Variants in RPSA2 observed in about 807,000 individuals in gnomAD.
RPSA2 encodes ribosomal protein SA 2, also known as small ribosomal subunit protein uS2B.
the RPSA2 span, among the ~76,000 whole-genome samples, chr19:23,764,463 G>T: frequency 6.6e-6 from 1 of 152,234 alleles, no homozygotes. Flanking sequence ...GGTTTTTAAA[G>T]ATTTGTTTTC....
the RPSA2 span, among the ~76,000 whole-genome samples, chr19:23,768,941 G>C: frequency 6.6e-6 from 1 of 152,124 alleles, no homozygotes; most frequent in Non-Finnish European, 1.5e-5. Context: ...TGCCCAAAAA[G>C]AGATTGTGAC....
At chr19:23,774,045 C>A in the RPSA2 span, among the ~76,000 whole-genome samples, 2 of 152,158 alleles carry the variant, frequency 1.3e-5, no homozygotes, top group Non-Finnish European at 2.9e-5. Flanking sequence ...TATTGCTGAA[C>A]CCTGAACTGA....
At chr19:23,856,874 A>C in the RPSA2 span, among the ~76,000 whole-genome samples, 2 of 152,158 alleles carry the variant, frequency 1.3e-5, no homozygotes, top group Non-Finnish European at 2.9e-5. Context: ...TCAAAGGGCA[A>C]TATCAGAAAC....
At chr19:23,781,487 C>T in the RPSA2 span, among the ~76,000 whole-genome samples, 7 of 151,836 alleles carry the variant, frequency 4.6e-5, no homozygotes, top group African/African-American at 7.3e-5. Context: ...TACAGATGCC[C>T]ACCACCACAC....
chr19:23,836,005 T>G, the RPSA2 span, among the ~76,000 whole-genome samples: 7 of 152,298 alleles, frequency 4.6e-5, no homozygotes, highest in South Asian at 2.1e-4. Flanking sequence ...TTTTTTAATT[T>G]TATTGTTCCA....
At chr19:23,824,531 T>A in the RPSA2 span, among the ~76,000 whole-genome samples, 1 of 151,878 alleles carries the variant, frequency 6.6e-6, no homozygotes, top group South Asian at 2.1e-4. Context: ...TTTATGATGG[T>A]GTTCATTATT....
At chr19:23,768,081 A>G in the RPSA2 span, among the ~76,000 whole-genome samples, 1 of 152,258 alleles carries the variant, frequency 6.6e-6, no homozygotes. Context: ...CAGTTTTTTA[A>G]TAACTGTAAA....
At chr19:23,792,959 C>T in the RPSA2 span, among the ~76,000 whole-genome samples, 17 of 152,068 alleles carry the variant, frequency 1.1e-4, no homozygotes, top group Non-Finnish European at 2.4e-4. Flanking sequence ...TTTACCCGGA[C>T]GTCAGTATGT....
At chr19:23,845,548 G>C in the RPSA2 span, among the ~76,000 whole-genome samples, 1 of 152,202 alleles carries the variant, frequency 6.6e-6, no homozygotes, top group Non-Finnish European at 1.5e-5. Context: ...CTGGAGTGCA[G>C]TGGAACAATC....
chr19:23,785,807 A>AGAGGT, the RPSA2 span, among the ~76,000 whole-genome samples: 2 of 152,120 alleles, frequency 1.3e-5, no homozygotes, highest in South Asian at 4.1e-4. Context: ...ATCTAATAGG[A>AGAGGT]GAGGTGCTGT....
chr19:23,810,579 C>T, the RPSA2 span, among the ~76,000 whole-genome samples: 2 of 152,088 alleles, frequency 1.3e-5, no homozygotes, highest in Admixed American at 6.6e-5. Context: ...ATGAGAGTGG[C>T]TTTCACTGAG....
chr19:23,862,410 C>T, the RPSA2 span, among the ~76,000 whole-genome samples: 1 of 151,562 alleles, frequency 6.6e-6, no homozygotes, highest in Non-Finnish European at 1.5e-5. Context: ...ACTTCCAACA[C>T]TATGTTGAAT....
chr19:23,784,044 C>T, the RPSA2 span, among the ~76,000 whole-genome samples: 2 of 152,148 alleles, frequency 1.3e-5, no homozygotes, highest in Admixed American at 1.3e-4. Flanking sequence ...TGTGTTTGTT[C>T]TCTACCCACA....
the RPSA2 span, among the ~76,000 whole-genome samples, chr19:23,811,883 A>C: frequency 6.6e-6 from 1 of 152,176 alleles, no homozygotes; most frequent in East Asian, 1.9e-4. Flanking sequence ...TAAAACAAAA[A>C]ATTGTCAGTA....
chr19:23,773,825 T>C, the RPSA2 span, among the ~76,000 whole-genome samples: 13 of 152,174 alleles, frequency 8.5e-5, no homozygotes, highest in Non-Finnish European at 2.9e-5. Flanking sequence ...GTATAGGCTG[T>C]CAGGTACAAA....
At chr19:23,828,131 A>G in the RPSA2 span, 2 of 693,752 alleles carry the variant, frequency 2.9e-6, no homozygotes, top group South Asian at 1.8e-5. Flanking sequence ...AAAAAAAAAA[A>G]AAAATGCTGC....
At chr19:23,789,023 C>CT in the RPSA2 span, among the ~76,000 whole-genome samples, 5 of 129,426 alleles carry the variant, frequency 3.9e-5, no homozygotes, top group Non-Finnish European at 3.1e-5. Context: ...TTCTTTCTTT[C>CT]TTTTTTTTTT....
At chr19:23,837,372 G>T in the RPSA2 span, among the ~76,000 whole-genome samples, 2 of 6,376 alleles carry the variant, frequency 3.1e-4, no homozygotes, top group African/African-American at 3.4e-4. Context: ...TGCTGTTTTG[G>T]TGACTTATAG....
At chr19:23,835,254 A>G in the RPSA2 span, among the ~76,000 whole-genome samples, 1 of 152,146 alleles carries the variant, frequency 6.6e-6, no homozygotes, top group Non-Finnish European at 1.5e-5. Flanking sequence ...CTGCAAGCAC[A>G]TATGGACTGT....
Sources: gnomAD v4.1 joint callset for allele counts (sites outside exome capture counted in the v4.1 genomes callset) on GRCh38, gnomAD v4.1.1 for gene constraint, MANE v1.5 for transcripts, NCBI Gene and HGNC (gene_info 2026-07-23, HGNC 2026-07-21) for gene names.